Variants in NRXN1 observed in about 807,000 individuals in gnomAD.
The protein encoded by NRXN1 is neurexin 1.
In NRXN1, 39 loss-of-function variants were observed where a neutral mutation model predicts 150.9. That is an observed-to-expected ratio of 0.26 (90% confidence interval 0.20 to 0.34). The LOEUF is 0.34. Ranked by LOEUF, NRXN1 falls within the 10% of genes least tolerant of loss-of-function variation. The pLI is 1.00. For missense variants in NRXN1, 1,815 were observed against 1,949.9 expected, an observed-to-expected ratio of 0.93 and a Z score of 1.30; for synonymous variants, 924 against 757.0, an observed-to-expected ratio of 1.22 and a Z score of -3.62.
chr2:50,133,302 CA>C (rs1705838181), intron 18 of NRXN1, among the ~76,000 whole-genome samples: 1 of 110,758 alleles, frequency 9.0e-6, no homozygotes, highest in Non-Finnish European at 1.9e-5. Context: ...GGCGTAAGTA[CA>C]GCCTCCAGTG....
At chr2:51,008,881 T>A (rs1004337587) in intron 2 of NRXN1, among the ~76,000 whole-genome samples, 5 of 150,536 alleles carry the variant, frequency 3.3e-5, no homozygotes, top group Non-Finnish European at 4.4e-5. Context: ...ACAAATCACA[T>A]TTTTTTTTAG....
intron 5 of NRXN1, among the ~76,000 whole-genome samples, chr2:50,718,694 C>G (rs1696192409): frequency 6.6e-6 from 1 of 152,024 alleles, no homozygotes. Context: ...AGAGACAAGC[C>G]CTTTGTATGT....
At chr2:50,938,624 A>C (rs981184327) in intron 2 of NRXN1, among the ~76,000 whole-genome samples, 1 of 152,210 alleles carries the variant, frequency 6.6e-6, no homozygotes, top group Non-Finnish European at 1.5e-5. Flanking sequence ...GAACTACCTA[A>C]GACTGGGTAA....
chr2:50,294,902 A>G (rs999888681), intron 17 of NRXN1, among the ~76,000 whole-genome samples: 2 of 152,220 alleles, frequency 1.3e-5, no homozygotes, highest in East Asian at 3.8e-4. Flanking sequence ...TATCCCTATC[A>G]GTCGATGGAG....
intron 17 of NRXN1, among the ~76,000 whole-genome samples, chr2:50,342,664 A>G (rs955357389): frequency 2.6e-5 from 4 of 152,244 alleles, no homozygotes; most frequent in African/African-American, 4.8e-5. Flanking sequence ...AACAGTGTGC[A>G]TTATTGTTAA....
chr2:50,065,993 ACAC>A (rs1484239054), intron 19 of NRXN1, among the ~76,000 whole-genome samples: 1 of 152,110 alleles, frequency 6.6e-6, no homozygotes, highest in Non-Finnish European at 1.5e-5. Context: ...GTTTCCTTTT[ACAC>A]AGCTCCAGAA....
Position 50,740,622 on chromosome 2 carries a change from C to T in NRXN1, c.833-117007G>A, listed in dbSNP as rs535536824. On this transcript the variant is annotated intron_variant, in intron 5 of 22. Coordinates refer to ENST00000401669, the MANE Select transcript of NRXN1 (RefSeq NM_001330078.2). ...CTGTGTGAATATGTGTGCCTGTGTA[C>T]GTATATAAAATGGTCAATAAAATGT... Among the ~76,000 whole-genome samples, 221 of 152,122 alleles carry T rather than the reference C, an allele frequency of 1.5e-3. 1 individual carries two copies. Among genetic ancestry groups the T allele is most frequent in the African/African-American group, 4.8e-3 (199 of 41,522 alleles).
intron 17 of NRXN1, among the ~76,000 whole-genome samples, chr2:50,434,803 A>ATT (rs143403206): frequency 1.3e-5 from 2 of 149,696 alleles, no homozygotes; most frequent in African/African-American, 4.9e-5. Context: ...TCATAAGACT[A>ATT]TTTTTTTTTT....
At chr2:50,994,865 T>C (rs999908830) in intron 2 of NRXN1, among the ~76,000 whole-genome samples, 1 of 152,022 alleles carries the variant, frequency 6.6e-6, no homozygotes, top group Non-Finnish European at 1.5e-5. Flanking sequence ...CCTTACTTAG[T>C]AAACACATAC....
At chr2:50,619,167 T>C (rs1194844062) in intron 8 of NRXN1, 2 of 152,158 alleles carry the variant, frequency 1.3e-5, no homozygotes, top group African/African-American at 4.8e-5. Context: ...ACAGCACCTA[T>C]GGCTAACAGT....
At chr2:50,054,856 G>T in intron 20 of NRXN1, 99 bp downstream of exon 20, 2 of 754,684 alleles carry the variant, frequency 2.7e-6, no homozygotes, top group Non-Finnish European at 4.1e-6. Context: ...TTAGTTTTAC[G>T]GAAAATTTAT....
intron 19 of NRXN1, among the ~76,000 whole-genome samples, chr2:50,073,651 G>A: frequency 6.6e-6 from 1 of 152,060 alleles, no homozygotes; most frequent in East Asian, 1.9e-4. Flanking sequence ...TAGATATGGA[G>A]TTAACTTCCT....
chr2:50,225,235 C>T (rs924487987), intron 18 of NRXN1, among the ~76,000 whole-genome samples: 1 of 151,872 alleles, frequency 6.6e-6, no homozygotes, highest in South Asian at 2.1e-4. Flanking sequence ...CAATGGAAAA[C>T]TACCAGCAGG....
chr2:50,553,722 C>A (rs1667843213), intron 8 of NRXN1, among the ~76,000 whole-genome samples: 1 of 152,178 alleles, frequency 6.6e-6, no homozygotes, highest in Admixed American at 6.5e-5. Flanking sequence ...TACTGGTGAT[C>A]CATTTCACTT....
chr2:50,348,717 G>C (rs1279447345), intron 17 of NRXN1, among the ~76,000 whole-genome samples: 1 of 152,172 alleles, frequency 6.6e-6, no homozygotes, highest in African/African-American at 2.4e-5. Context: ...CAATGCAAGT[G>C]AACTTGGCTA....
chr2:50,327,862 C>G (rs1487977087), intron 17 of NRXN1, among the ~76,000 whole-genome samples: 1 of 152,076 alleles, frequency 6.6e-6, no homozygotes, highest in Non-Finnish European at 1.5e-5. Flanking sequence ...GTTGGCCAGG[C>G]TGGTCGCGAA....
At chr2:50,526,110 G>A (rs1445726724) in intron 12 of NRXN1, among the ~76,000 whole-genome samples, 2 of 152,170 alleles carry the variant, frequency 1.3e-5, no homozygotes, top group African/African-American at 2.4e-5. Flanking sequence ...TAAACTTGGC[G>A]GTGGGGTAGG....
intron 17 of NRXN1, among the ~76,000 whole-genome samples, chr2:50,374,684 T>A (rs1010313414): frequency 6.6e-6 from 1 of 152,162 alleles, no homozygotes; most frequent in South Asian, 2.1e-4. Context: ...AACTATGTAA[T>A]TAGTGATTGC....
chr2:50,053,673 G>A (rs1693138506), intron 20 of NRXN1, 83 bp from the exon 21 acceptor site: 2 of 1,373,638 alleles, frequency 1.5e-6, no homozygotes, highest in Non-Finnish European at 2.1e-6. Context: ...GATCTTTTAT[G>A]GGGTGAATAA....
Sources: allele counts gnomAD v4.1 joint callset (sites outside exome capture counted in the v4.1 genomes callset), GRCh38; gene constraint gnomAD v4.1.1; transcripts MANE v1.5; gene names NCBI Gene and HGNC (gene_info 2026-07-23, HGNC 2026-07-21).